PSD3: variants seen among roughly 807,000 people sequenced by gnomAD.
PSD3 encodes PH and SEC7 domain-containing protein 3.
PSD3 carries 49 observed loss-of-function variants against 105.5 expected under a neutral mutation model. The observed-to-expected ratio is 0.46, with a 90% CI of 0.37 to 0.59. PSD3 has a LOEUF of 0.59. PSD3 is among the 20% of genes least tolerant of loss of function. PSD3 has a pLI of 0.00. For missense variants in PSD3, 1,561 were observed against 1,263.8 expected (o/e 1.24, Z -3.57); for synonymous variants, 557 against 457.8 (o/e 1.22, Z -2.77).
intron 9 of PSD3, among the ~76,000 whole-genome samples, chr8:18,708,461 A>G (rs1481898939): frequency 6.6e-6 from 1 of 151,836 alleles, no homozygotes; most frequent in Non-Finnish European, 1.5e-5. Flanking sequence ...TTTTTTTTCC[A>G]CAGAAAAATT....
chr8:18,828,738 A>G (rs1733993460), intron 4 of PSD3, among the ~76,000 whole-genome samples: 1 of 152,154 alleles, frequency 6.6e-6, no homozygotes, highest in African/African-American at 2.4e-5. Context: ...AGGCAAGCAG[A>G]TCACATGAGG....
intron 1 of PSD3, chr8:19,002,003 G>A (rs1394010989): frequency 6.4e-6 from 1 of 155,936 alleles, no homozygotes; most frequent in East Asian, 1.8e-4. Context: ...ACTAGACAAG[G>A]GGAGAAGGGC....
At chr8:18,669,225 A>G (rs1320690341) in intron 9 of PSD3, among the ~76,000 whole-genome samples, 1 of 152,236 alleles carries the variant, frequency 6.6e-6, no homozygotes, top group Non-Finnish European at 1.5e-5. Flanking sequence ...GACACTAATT[A>G]GAATGTACTT....
At chr8:18,982,398 G>A (rs554996672) in intron 1 of PSD3, among the ~76,000 whole-genome samples, 2 of 152,242 alleles carry the variant, frequency 1.3e-5, no homozygotes, top group South Asian at 4.1e-4. Context: ...TTAGTATTTT[G>A]ATGTCCTCCA....
chr8:18,638,396 C>T (rs1359696647), intron 10 of PSD3, among the ~76,000 whole-genome samples: 1 of 150,216 alleles, frequency 6.7e-6, no homozygotes, highest in Non-Finnish European at 1.5e-5. Context: ...ACCGTAAAAA[C>T]TACCCCTCCC....
intron 9 of PSD3, among the ~76,000 whole-genome samples, chr8:18,687,356 C>T (rs1358898509): frequency 6.6e-6 from 1 of 152,014 alleles, no homozygotes; most frequent in Non-Finnish European, 1.5e-5. Flanking sequence ...GTCCTGACTA[C>T]TTGAGAGGCT....
chr8:18,978,593 G>A (rs143093428), intron 1 of PSD3, among the ~76,000 whole-genome samples: 1 of 152,270 alleles, frequency 6.6e-6, no homozygotes, highest in East Asian at 1.9e-4. Context: ...AATAAACACA[G>A]ACACAGTAAC....
intron 1 of PSD3, among the ~76,000 whole-genome samples, chr8:19,030,554 G>T (rs966955460): frequency 6.6e-6 from 1 of 151,968 alleles, no homozygotes; most frequent in African/African-American, 2.4e-5. Context: ...TTTCTCTCTT[G>T]CTCTTGCTTT....
At chr8:18,737,105 C>G (rs1804203894) in intron 9 of PSD3, among the ~76,000 whole-genome samples, 1 of 152,192 alleles carries the variant, frequency 6.6e-6, no homozygotes, top group Non-Finnish European at 1.5e-5. Flanking sequence ...ATACTGTTCT[C>G]TTTCCAGATC....
At chr8:18,667,111 G>C (rs868179218) in intron 9 of PSD3, among the ~76,000 whole-genome samples, 1 of 152,082 alleles carries the variant, frequency 6.6e-6, no homozygotes, top group Non-Finnish European at 1.5e-5. Flanking sequence ...TGTGGAAGGG[G>C]ACCCCAGCGA....
intron 15 of PSD3, among the ~76,000 whole-genome samples, chr8:18,549,583 CTT>C (rs1265272893): frequency 1.3e-5 from 2 of 152,206 alleles, no homozygotes; most frequent in Admixed American, 6.5e-5. Context: ...CAAATGTACT[CTT>C]GTCTGTGGTA....
chr8:18,632,931 G>A, intron 10 of PSD3, 125 bp from the exon 11 acceptor site: 1 of 703,902 alleles, frequency 1.4e-6, no homozygotes, highest in South Asian at 2.1e-5. Context: ...CCACCACCAT[G>A]ATAATGACAG....
intron 9 of PSD3, among the ~76,000 whole-genome samples, chr8:18,711,615 C>T (rs375647335): frequency 3.9e-5 from 6 of 152,128 alleles, no homozygotes; most frequent in African/African-American, 1.4e-4. Context: ...ACAGGAGCAT[C>T]CAGATTCATA....
intron 4 of PSD3, chr8:18,808,883 C>T (rs1161131414): frequency 1.3e-6 from 2 of 1,581,444 alleles, no homozygotes; most frequent in African/African-American, 2.7e-5. Context: ...GCCTCACAGC[C>T]TTCCAAGAAC....
Position 18,722,890 on chromosome 8 carries a change from T to C in PSD3, c.2172+42559A>G, listed in dbSNP as rs1000845210. ...TTCTGAACTATTTCAGCACCCGTTA[T>C]GCGAACCCCACAATGAGCAACAATT... On this transcript the variant is annotated intron_variant, in intron 9 of 15. Coordinates refer to ENST00000327040, the MANE Select transcript of PSD3 (RefSeq NM_015310.4). 2.6e-5 allele frequency among the ~76,000 whole-genome samples: 4 copies of C among 152,234 alleles called. No homozygotes were observed. In the South Asian group the frequency reaches 6.2e-4, roughly 24 times the overall value.
intron 8 of PSD3, among the ~76,000 whole-genome samples, chr8:18,769,548 G>C (rs335217): frequency 1.3e-5 from 2 of 151,806 alleles, no homozygotes; most frequent in Non-Finnish European, 2.9e-5. Context: ...TTTAATAAAG[G>C]TGTGCAATCA....
chr8:19,072,380 C>G (rs1323998484), intron 1 of PSD3, among the ~76,000 whole-genome samples: 1 of 152,178 alleles, frequency 6.6e-6, no homozygotes, highest in Non-Finnish European at 1.5e-5. Flanking sequence ...AGCCACGGAG[C>G]CCGGATGGTT....
chr8:18,658,140 T>C (rs1342145898), intron 9 of PSD3, among the ~76,000 whole-genome samples: 3 of 152,212 alleles, frequency 2.0e-5, no homozygotes, highest in African/African-American at 7.2e-5. Context: ...GTAAACAACA[T>C]AGAATAGAAT....
intron 11 of PSD3, among the ~76,000 whole-genome samples, chr8:18,628,911 C>T (rs879278667): frequency 5.3e-5 from 8 of 151,864 alleles, no homozygotes; most frequent in Non-Finnish European, 1.2e-4. Context: ...AAATAAGAAA[C>T]CAACAGTAAG....
Sources: gnomAD v4.1 joint callset for allele counts (sites outside exome capture counted in the v4.1 genomes callset) on GRCh38, gnomAD v4.1.1 for gene constraint, MANE v1.5 for transcripts, NCBI Gene and HGNC (gene_info 2026-07-23, HGNC 2026-07-21) for gene names.